The following SYNE1 variants were observed in gnomAD, a reference collection of about 807,000 sequenced individuals.
SYNE1 encodes the protein nesprin-1.
Under a neutral mutation model 1,111.0 loss-of-function variants are expected in SYNE1, and 616 were observed. That is an observed-to-expected ratio of 0.55 (90% CI 0.52 to 0.59). The LOEUF is 0.59. Ranked by LOEUF, SYNE1 falls within the 20% of genes least tolerant of loss-of-function variation. The pLI is 0.00. For synonymous variants in SYNE1, 3,855 were observed against 3,825.8 expected (o/e 1.01, Z -0.28); for missense variants, 10,006 against 10,417.0 (o/e 0.96, Z 1.72).
intron 13 of SYNE1, 128 bp downstream of exon 13, chr6:152,484,707 T>A (rs985328721): frequency 3.1e-6 from 3 of 974,120 alleles, no homozygotes; most frequent in Non-Finnish European, 3.1e-6. Context: ...TCTCCCATAG[T>A]TAAGTCTTTC....
chr6:152,507,000 T>C (rs889854851), intron 8 of SYNE1, among the ~76,000 whole-genome samples: 2 of 152,182 alleles, frequency 1.3e-5, no homozygotes, highest in Non-Finnish European at 1.5e-5. Flanking sequence ...TCAATAAATA[T>C]CCTAAAAACA....
chr6:152,407,061 T>C lies in SYNE1; in HGVS notation c.6676A>G (p.Asn2226Asp). ...TCAGCTCTGAGGTGGTTATCCAGGT[T>C]GCTGATGTTTTCTGCCATCTGTGGA... ...CVPQMAENIS[N>D]LDNHLRAEEL... Residue 2226 changes from asparagine (N) to aspartate (D), a missense_variant, in exon 45 of 146, where the codon AAC becomes GAC. By Grantham distance (23) the Asn-to-Asp change is conservative. Transcript: ENST00000367255. 1 of 1,614,108 alleles carries C rather than the reference T, an allele frequency of 6.2e-7. No individual in the cohort carries two copies.
Position 152,148,432 on chromosome 6 carries a change from A to G in SYNE1, c.24643-54T>C. 4 of 1,557,480 alleles carry G rather than the reference A, an allele frequency of 2.6e-6. No homozygotes were observed. In the South Asian group the frequency reaches 4.6e-5, roughly 18 times the overall value. ...ACTGTAGTGGTCAGACTAGCTTCTT[A>G]TCTGGGCCACCTGCCTACCATGTGG... On this transcript the variant is annotated intron_variant, in intron 136 of 145. Coordinates refer to ENST00000367255, the MANE Select transcript of SYNE1 (RefSeq NM_182961.4). This position sits in a 1 kb window ranked among gnomAD's most constrained non-coding sequence, Gnocchi z 4.1.
intron 137 of SYNE1, chr6:152,144,093 A>C (rs143392443): frequency 2.1e-5 from 8 of 383,804 alleles, no homozygotes; most frequent in African/African-American, 1.7e-4. Flanking sequence ...GGCCTTTCTA[A>C]AAATCTGCAA....
chr6:152,372,889 A>T, intron 59 of SYNE1, 148 bp downstream of exon 59: 2 of 841,638 alleles, frequency 2.4e-6, no homozygotes, highest in Non-Finnish European at 4.0e-6. Context: ...GCTATTCCTT[A>T]CTGTTAGCCC....
At chr6:152,409,285 A>G in intron 43 of SYNE1, 59 bp from the exon 44 acceptor site, 2 of 1,539,938 alleles carry the variant, frequency 1.3e-6, no homozygotes, top group Admixed American at 3.4e-5. Flanking sequence ...TGAGTTTAAA[A>G]CCATTTGTCT....
At chr6:152,290,983 A>T (rs2094571641) in intron 95 of SYNE1, among the ~76,000 whole-genome samples, 1 of 151,422 alleles carries the variant, frequency 6.6e-6, no homozygotes, top group Non-Finnish European at 1.5e-5. Context: ...ATGTGATGAT[A>T]CATGAAATTA....
intron 39 of SYNE1, among the ~76,000 whole-genome samples, chr6:152,424,082 T>G (rs2098313616): frequency 6.6e-6 from 1 of 152,202 alleles, no homozygotes; most frequent in African/African-American, 2.4e-5. Context: ...CTCCACACCA[T>G]GGACCTGCCT....
chr6:152,605,709 T>C (rs2099612889), intron 3 of SYNE1, among the ~76,000 whole-genome samples: 1 of 152,206 alleles, frequency 6.6e-6, no homozygotes. Context: ...CACACATAGC[T>C]TTCTGGGCAG....
chr6:152,598,344 T>C (rs1166139049), intron 3 of SYNE1, among the ~76,000 whole-genome samples: 1 of 152,172 alleles, frequency 6.6e-6, no homozygotes, highest in Non-Finnish European at 1.5e-5. Context: ...CCACCATTAT[T>C]GTGAGGCCTC....
chr6:152,244,497 T>G (rs750223894), intron 106 of SYNE1, 40 bp downstream of exon 106: 13 of 1,613,620 alleles, frequency 8.1e-6, no homozygotes, highest in Middle Eastern at 1.6e-4. Flanking sequence ...TCAAGTTTGA[T>G]GTACCCCTGC....
chr6:152,451,250 A>C (rs754511583), intron 25 of SYNE1, 45 bp from the exon 26 acceptor site: 1 of 1,583,636 alleles, frequency 6.3e-7, no homozygotes, highest in Non-Finnish European at 8.7e-7. Flanking sequence ...GAAGTTCCTG[A>C]TTATGTACAT....
At chr6:152,361,264 G>A (rs189154431) in intron 64 of SYNE1, among the ~76,000 whole-genome samples, 273 of 152,330 alleles carry the variant, frequency 1.8e-3, no homozygotes, top group African/African-American at 6.3e-3. Flanking sequence ...AAAGGAGCAT[G>A]GCAGAGGAGT....
At chr6:152,495,991 C>T (rs527492263) in intron 11 of SYNE1, among the ~76,000 whole-genome samples, 6 of 152,268 alleles carry the variant, frequency 3.9e-5, no homozygotes, top group Non-Finnish European at 7.3e-5. Context: ...GTACAAGACA[C>T]CTCTTTTAGT....
chr6:152,547,373 C>A (rs1187516588), intron 3 of SYNE1, among the ~76,000 whole-genome samples: 1 of 152,198 alleles, frequency 6.6e-6, no homozygotes. Context: ...AGTGAGGGAA[C>A]CGCCATTGGA....
At chr6:152,372,053 A>C (rs2097200175) in intron 59 of SYNE1, among the ~76,000 whole-genome samples, 1 of 152,192 alleles carries the variant, frequency 6.6e-6, no homozygotes, top group Admixed American at 6.5e-5. Context: ...GATTAAGAAA[A>C]CAGGCAATTC....
At chr6:152,287,481 C>T (rs770634211) in intron 95 of SYNE1, among the ~76,000 whole-genome samples, 4 of 152,094 alleles carry the variant, frequency 2.6e-5, no homozygotes, top group Non-Finnish European at 4.4e-5. Flanking sequence ...TCAAGACTGT[C>T]CTGGTTATTC....
chr6:152,571,805 A>G (rs533101863), intron 3 of SYNE1, among the ~76,000 whole-genome samples: 1 of 152,334 alleles, frequency 6.6e-6, no homozygotes, highest in Non-Finnish European at 1.5e-5. Flanking sequence ...TAAATAATTT[A>G]AAAAGGAAAG....
At chr6:152,399,554 G>C (rs772292963) in intron 48 of SYNE1, 62 bp downstream of exon 48, 8 of 1,586,832 alleles carry the variant, frequency 5.0e-6, no homozygotes, top group South Asian at 1.1e-5. Flanking sequence ...TTTCTAGGCA[G>C]CATTTGGTTT....
Sources: allele counts gnomAD v4.1 joint callset (sites outside exome capture counted in the v4.1 genomes callset), GRCh38; gene constraint gnomAD v4.1.1; non-coding constraint Gnocchi (gnomAD v3.1); transcripts MANE v1.5; gene names NCBI Gene and HGNC (gene_info 2026-07-23, HGNC 2026-07-21).